Variants in ZNF461 observed in about 807,000 individuals in gnomAD.
ZNF461 encodes the protein zinc finger protein 461.
Under a neutral mutation model 18.3 loss-of-function variants are expected in ZNF461, and 16 were observed. The observed-to-expected ratio is 0.88, with a 90% CI of 0.59 to 1.33. The LOEUF is 1.33. ZNF461 is among the 40% of genes most tolerant of loss of function. ZNF461 has a pLI of 0.00. For synonymous variants in ZNF461, 179 were observed against 216.9 expected (o/e 0.83, Z 1.54); for missense variants, 595 against 669.9 (o/e 0.89, Z 1.23).
intron 3 of ZNF461, among the ~76,000 whole-genome samples, chr19:36,656,768 A>G (rs754839736): frequency 1.6e-4 from 24 of 152,104 alleles, no homozygotes; most frequent in Non-Finnish European, 1.3e-4. Context: ...AATTTATGTA[A>G]GGTTTCTCTT....
In ZNF461 at chr19:36,662,352, G is replaced by A. The variant is rs570820685; in HGVS notation, c.9+2346C>T. On this transcript the variant is annotated intron_variant, in intron 2 of 5. Transcript: ENST00000588268. The stretch of plus-strand genomic sequence containing the variant: ...CTCACTGCAATATCCTCCCCGCCGG[G>A]TTCAAGTGATTCTCCTGCCTCAGCC... Among the ~76,000 whole-genome samples the A allele has an allele frequency of 2.0e-5, 3 of 152,140 alleles. No homozygotes were observed. In the South Asian group the frequency reaches 6.2e-4, roughly 32 times the overall value.
chr19:36,655,617 A>C (rs564247507), intron 4 of ZNF461, among the ~76,000 whole-genome samples: 1 of 152,284 alleles, frequency 6.6e-6, no homozygotes, highest in East Asian at 1.9e-4. Flanking sequence ...CAAACAAACA[A>C]AAATTAATAA....
chr19:36,638,654 C>A lies in ZNF461; in HGVS notation c.1691G>T (p.Ter564LeuextTer33), dbSNP rs370945568. Residue 564 changes from the stop codon to leucine, a stop_lost, in exon 6 of 6, where the codon TGA (stop) becomes TTA (leucine). Coordinates refer to ENST00000588268, the MANE Select transcript of ZNF461 (RefSeq NM_153257.5). ...AATGTATATTTCCATCAACAAATTTCATGATGCTAGACTAGGATGGGGAGG... is the reference window on the plus strand; with the variant it reads ...AATGTATATTTCCATCAACAAATTTAATGATGCTAGACTAGGATGGGGAGG... ...LLPPHPSLAS[*>L] 6.3e-6 allele frequency: 10 copies of A among 1,581,718 alleles called. No individual in the cohort carries two copies. Among genetic ancestry groups the A allele is most frequent in the Non-Finnish European group, 7.7e-6 (9 of 1,163,612 alleles).
chr19:36,639,231 G>C lies in ZNF461; in HGVS notation c.1114C>G (p.Leu372Val). Residue 372 changes from leucine (L) to valine (V), a missense_variant, in exon 6 of 6, where the codon CTT (leucine) becomes GTT (valine). Physicochemically the swap from Leu to Val is conservative, Grantham distance 32. Coordinates refer to ENST00000588268, the MANE Select transcript of ZNF461 (RefSeq NM_153257.5). ...CGKTFRHRSH[L>V]TIHQRIHTGE... ...GTATGAATTCTCTGATGTATAGTAA[G>C]ATGTGAGCGATGCCTAAAAGTCTTT... 1 of 1,614,152 alleles carries C rather than the reference G, an allele frequency of 6.2e-7. No homozygotes were observed. The highest frequency in any genetic ancestry group is 8.5e-7 in the Non-Finnish European group (1 of 1,180,016).
intron 4 of ZNF461, chr19:36,645,332 T>G (rs1167029781): frequency 6.6e-6 from 1 of 151,966 alleles, no homozygotes; most frequent in Non-Finnish European, 1.5e-5. Flanking sequence ...TGTAAAGTAT[T>G]TACAACACAA....
intron 4 of ZNF461, among the ~76,000 whole-genome samples, chr19:36,654,977 A>G (rs2037691204): frequency 6.6e-6 from 1 of 152,128 alleles, no homozygotes; most frequent in Admixed American, 6.5e-5. Flanking sequence ...TAGCAAAGCA[A>G]CTTGTATGGA....
chr19:36,656,779 T>G (rs2037728453), intron 3 of ZNF461, among the ~76,000 whole-genome samples: 1 of 151,940 alleles, frequency 6.6e-6, no homozygotes, highest in African/African-American at 2.4e-5. Context: ...GGTTTCTCTT[T>G]TTTGCTGTGA....
chr19:36,662,159 G>A (rs773510999), intron 2 of ZNF461, among the ~76,000 whole-genome samples: 18 of 151,996 alleles, frequency 1.2e-4, no homozygotes, highest in African/African-American at 1.2e-4. Context: ...ATGAGCCACC[G>A]AGCCTAGCTA....
At chr19:36,647,197 G>A (rs1210903739) in intron 4 of ZNF461, among the ~76,000 whole-genome samples, 1 of 152,156 alleles carries the variant, frequency 6.6e-6, no homozygotes, top group African/African-American at 2.4e-5. Context: ...TGAAATTGCT[G>A]CATCATAGGA....
intron 2 of ZNF461, 92 bp downstream of exon 2, chr19:36,664,606 A>AG (rs2037872549): frequency 9.6e-7 from 1 of 1,043,994 alleles, no homozygotes. Flanking sequence ...AAAAAAAAAA[A>AG]GCAAATAGTC....
intron 4 of ZNF461, among the ~76,000 whole-genome samples, chr19:36,648,300 A>G (rs1311990717): frequency 6.6e-6 from 1 of 152,144 alleles, no homozygotes; most frequent in Non-Finnish European, 1.5e-5. Flanking sequence ...AAGCTCCCTG[A>G]GGCCTTCCTG....
At chr19:36,657,335 G>A (rs1467996510) in intron 3 of ZNF461, among the ~76,000 whole-genome samples, 1 of 151,768 alleles carries the variant, frequency 6.6e-6, no homozygotes, top group East Asian at 2.0e-4. Context: ...ACAAAAATTA[G>A]CTGGGCGTGG....
At chr19:36,661,227 A>G (rs556461948) in intron 2 of ZNF461, among the ~76,000 whole-genome samples, 1 of 152,060 alleles carries the variant, frequency 6.6e-6, no homozygotes, top group African/African-American at 2.4e-5. Flanking sequence ...GCAATAAGCT[A>G]TGATGACACC....
intron 5 of ZNF461, among the ~76,000 whole-genome samples, chr19:36,642,168 G>A (rs1300785343): frequency 6.6e-6 from 1 of 152,154 alleles, no homozygotes; most frequent in African/African-American, 2.4e-5. Flanking sequence ...CTGGTTTCAA[G>A]TGATTCTCCT....
chr19:36,642,572 G>C (rs1344816035), intron 5 of ZNF461, among the ~76,000 whole-genome samples: 1 of 152,052 alleles, frequency 6.6e-6, no homozygotes, highest in African/African-American at 2.4e-5. Context: ...CATATGCCAG[G>C]CACAAGCTGT....
At position 36,638,196 on chromosome 19, in the gene ZNF461, A is replaced by G. The variant is rs1157355646; in HGVS notation, c.*457T>C. ...TACGTACTGACCTGGAAAAGTATTC[A>G]TGATTATTATGAAAAGGACAAGACG... On this transcript the variant is annotated 3_prime_UTR_variant, in exon 6 of 6. Transcript: ENST00000588268. 1 of 173,438 alleles carries G rather than the reference A, an allele frequency of 5.8e-6. No individual in the cohort carries two copies. Among genetic ancestry groups the G allele is most frequent in the Non-Finnish European group, 1.2e-5 (1 of 81,238 alleles). The allele number at this position is 173,438 out of a possible 1,614,324, so 10.7% of individuals were successfully genotyped here.
intron 3 of ZNF461, chr19:36,657,828 A>T (rs1238614639): frequency 6.6e-6 from 1 of 152,496 alleles, no homozygotes; most frequent in African/African-American, 2.4e-5. Context: ...CATTTATTAT[A>T]GGAAATGGAG....
In ZNF461 at chr19:36,637,006, AG is replaced by A. The variant is rs1370879127; in HGVS notation, c.*1646del. Among the ~76,000 whole-genome samples, 1 of 152,110 alleles carries A rather than the reference AG, an allele frequency of 6.6e-6. No individual in the cohort carries two copies. The highest frequency in any genetic ancestry group is 2.4e-5 in the African/African-American group (1 of 41,414). On this transcript the variant is annotated 3_prime_UTR_variant, in exon 6 of 6. Transcript: ENST00000588268. The stretch of plus-strand genomic sequence containing the variant: ...GCAATTAGGAGGCTTTCCTCCTCAG[AG>A]GCCTCTTGTGGCTTTCCACAACTTA...
In ZNF461 at chr19:36,639,909, C is replaced by T. The variant is rs545189159; in HGVS notation, c.436G>A (p.Glu146Lys). 22 of 1,613,874 alleles carry T rather than the reference C, an allele frequency of 1.4e-5. 1 individual carries two copies. In the Admixed American group the frequency reaches 3.0e-4, roughly 22 times the overall value. The stretch of plus-strand genomic sequence containing the variant: ...TGTTGCTCAAAATGACAGTTGCCTT[C>T]CCAGATAGCGCTGAAAATTGATCTC... ...PERSIFSAIWEGNCHFEQHQG... is the reference protein window; with the variant it reads ...PERSIFSAIWKGNCHFEQHQG... The change falls in exon 6 of 6, where the codon GAA becomes AAA. Residue 146 changes from glutamate to lysine, a missense_variant. Coordinates refer to ENST00000588268, the MANE Select transcript of ZNF461 (RefSeq NM_153257.5).
Sources: gnomAD v4.1 joint callset for allele counts (sites outside exome capture counted in the v4.1 genomes callset) on GRCh38, gnomAD v4.1.1 for gene constraint, MANE v1.5 for transcripts, NCBI Gene and HGNC (gene_info 2026-07-23, HGNC 2026-07-21) for gene names.